The following ARHGAP44 variants were observed in gnomAD, a reference collection of about 807,000 sequenced individuals.
ARHGAP44 encodes the protein rho GTPase-activating protein 44.
ARHGAP44 carries 43 observed loss-of-function variants against 106.8 expected under a neutral mutation model. The observed-to-expected ratio is 0.40, with a 90% CI of 0.32 to 0.52. ARHGAP44 has a LOEUF of 0.52. ARHGAP44 is among the 20% of genes least tolerant of loss of function. ARHGAP44 has a pLI of 0.48. For missense variants in ARHGAP44, 866 were observed against 1,050.5 expected (o/e 0.82, Z 2.43); for synonymous variants, 439 against 410.3 (o/e 1.07, Z -0.85).
chr17:12,989,081 G>A (rs1376150367), intron 20 of ARHGAP44, among the ~76,000 whole-genome samples: 1 of 111,992 alleles, frequency 8.9e-6, no homozygotes, highest in Non-Finnish European at 1.7e-5. Context: ...TGTGTGACAA[G>A]AGCGAAACTC....
At chr17:12,966,796 A>C (rs1476188138) in intron 16 of ARHGAP44, among the ~76,000 whole-genome samples, 1 of 152,128 alleles carries the variant, frequency 6.6e-6, no homozygotes, top group Non-Finnish European at 1.5e-5. Flanking sequence ...AGACTTGAAC[A>C]CTTCACAGCC....
At chr17:12,861,729 G>A (rs953015233) in intron 1 of ARHGAP44, among the ~76,000 whole-genome samples, 7 of 143,424 alleles carry the variant, frequency 4.9e-5, no homozygotes, top group African/African-American at 1.8e-4. Flanking sequence ...CCGCCTCCTG[G>A]GTTCAAGCGA....
intron 1 of ARHGAP44, among the ~76,000 whole-genome samples, chr17:12,856,244 T>G (rs2035908265): frequency 6.6e-6 from 1 of 152,140 alleles, no homozygotes; most frequent in African/African-American, 2.4e-5. Context: ...CTCTCCTATT[T>G]TAAAATCCCA....
chr17:12,851,187 A>T (rs1038666008), intron 1 of ARHGAP44, among the ~76,000 whole-genome samples: 2 of 152,196 alleles, frequency 1.3e-5, no homozygotes, highest in Non-Finnish European at 2.9e-5. Flanking sequence ...GCCCACGTAA[A>T]GGCTGGCACC....
chr17:12,964,720 G>A (rs1337445632), intron 16 of ARHGAP44, among the ~76,000 whole-genome samples: 4 of 152,118 alleles, frequency 2.6e-5, no homozygotes, highest in Non-Finnish European at 5.9e-5. Context: ...GGAGGCAGAG[G>A]AGGTTGCAGT....
intron 3 of ARHGAP44, among the ~76,000 whole-genome samples, chr17:12,898,007 G>A (rs1196050735): frequency 6.6e-6 from 1 of 151,980 alleles, no homozygotes; most frequent in African/African-American, 2.4e-5. Context: ...TTGAGGTATG[G>A]CAAAGCCAGC....
At chr17:12,861,611 TCC>T (rs893345651) in intron 1 of ARHGAP44, among the ~76,000 whole-genome samples, 1 of 150,862 alleles carries the variant, frequency 6.6e-6, no homozygotes, top group African/African-American at 2.4e-5. Context: ...TGGTCACATC[TCC>T]CTCTGAATTC....
chr17:12,944,308 A>G (rs961515394), intron 10 of ARHGAP44, 112 bp downstream of exon 10: 7 of 1,376,762 alleles, frequency 5.1e-6, no homozygotes, highest in Admixed American at 2.6e-5. Flanking sequence ...CACGAATCCA[A>G]ATGGCTTAAG....
At chr17:12,935,682 T>C (rs946969004) in intron 7 of ARHGAP44, among the ~76,000 whole-genome samples, 3 of 152,150 alleles carry the variant, frequency 2.0e-5, no homozygotes, top group African/African-American at 7.2e-5. Context: ...AGGAAATATT[T>C]TTTAAGTAGG....
At chr17:12,798,415 A>G (rs556177984) in intron 1 of ARHGAP44, among the ~76,000 whole-genome samples, 1 of 152,312 alleles carries the variant, frequency 6.6e-6, no homozygotes, top group East Asian at 1.9e-4. Context: ...GCAGATAATC[A>G]CAATGTGTTT....
Position 12,990,147 on chromosome 17 carries a change from G to GGAGT in ARHGAP44, c.2434_2437dup (p.Ser813Ter). 6.2e-7 allele frequency: 1 copy of GGAGT among 1,613,104 alleles called. No individual in the cohort carries two copies. The highest frequency in any genetic ancestry group is 8.5e-7 in the Non-Finnish European group (1 of 1,179,428). ...TAACTGACAAGAGGGACTCGGAGGA[G>GGAGT]GAGTCTGAGAGCACCGCCCTCTGAC... On this transcript the variant is annotated frameshift_variant, in exon 21 of 21. Coordinates refer to ENST00000379672, the MANE Select transcript of ARHGAP44 (RefSeq NM_014859.6). LOFTEE classifies it high-confidence loss of function.
intron 16 of ARHGAP44, among the ~76,000 whole-genome samples, chr17:12,964,992 C>T (rs2039355781): frequency 6.6e-6 from 1 of 152,182 alleles, no homozygotes; most frequent in East Asian, 1.9e-4. Flanking sequence ...TCCCTACTGC[C>T]TCTTTTCTTT....
At chr17:12,966,414 C>T (rs2039393275) in intron 16 of ARHGAP44, among the ~76,000 whole-genome samples, 1 of 152,154 alleles carries the variant, frequency 6.6e-6, no homozygotes, top group Non-Finnish European at 1.5e-5. Flanking sequence ...TGTCAGAGGA[C>T]TTGGCCTTTA....
At chr17:12,983,579 C>T (rs1024601224) in intron 19 of ARHGAP44, among the ~76,000 whole-genome samples, 14 of 152,110 alleles carry the variant, frequency 9.2e-5, no homozygotes, top group South Asian at 6.2e-4. Context: ...CCGAGGCGGG[C>T]GGATCACCTG....
chr17:12,797,250 TA>T lies in ARHGAP44; in HGVS notation c.53+7360del, dbSNP rs574543031. On this transcript the variant is annotated intron_variant, in intron 1 of 20. Coordinates refer to ENST00000379672, the MANE Select transcript of ARHGAP44 (RefSeq NM_014859.6). Reference sequence around the variant, plus strand: ...ATAAATATGCATGCATTTTTATTACTATTTATAATAATTTCATTTTACCTTC... The same window carrying T: ...ATAAATATGCATGCATTTTTATTACTTTTATAATAATTTCATTTTACCTTC... Among the ~76,000 whole-genome samples, 32 of 152,306 alleles carry T rather than the reference TA, an allele frequency of 2.1e-4. No homozygotes were observed. In the East Asian group the frequency reaches 5.4e-3, roughly 26 times the overall value.
chr17:12,826,269 C>G (rs899491438), intron 1 of ARHGAP44, among the ~76,000 whole-genome samples: 9 of 151,974 alleles, frequency 5.9e-5, no homozygotes, highest in African/African-American at 1.9e-4. Flanking sequence ...TGTGTTGATC[C>G]CCTCTATGTG....
rs920302523 is a variant in ARHGAP44, at chr17:12,952,389, A to G, written c.1056-112A>G. The G allele has an allele frequency of 8.4e-6, 7 of 834,718 alleles. No individual in the cohort carries two copies. The African/African-American group carries it at 8.6e-5, about 10-fold the overall frequency. The allele number at this position is 834,718 out of a possible 1,614,324, so 51.7% of individuals were successfully genotyped here. ...AATTTTTAAATACTAGCTTGCTGAT[A>G]TGGTCAGTTACAGTGGTTGGTATCA... is the stretch of plus-strand genomic sequence containing the variant. On this transcript the variant is annotated intron_variant, in intron 12 of 20. Coordinates refer to ENST00000379672, the MANE Select transcript of ARHGAP44 (RefSeq NM_014859.6).
chr17:12,870,046 G>A lies in ARHGAP44; in HGVS notation c.54-24894G>A, dbSNP rs527763189. ...CAATTATTTCTTGTCAACAAATACC[G>A]TCTTTTTTTTTTTTTTTTTTGAGAT... is the stretch of plus-strand genomic sequence containing the variant. On this transcript the variant is annotated intron_variant, in intron 1 of 20. Transcript: ENST00000379672. Among the ~76,000 whole-genome samples the A allele has an allele frequency of 2.0e-4, 12 of 60,270 alleles. No individual in the cohort carries two copies. In the South Asian group the frequency reaches 3.1e-3, roughly 16 times the overall value. 39.5% of individuals were successfully genotyped at this position (60,270 alleles called of 152,430 possible).
At chr17:12,810,563 G>A (rs2034407703) in intron 1 of ARHGAP44, among the ~76,000 whole-genome samples, 1 of 152,152 alleles carries the variant, frequency 6.6e-6, no homozygotes, top group Non-Finnish European at 1.5e-5. Flanking sequence ...TCTGGGGAGG[G>A]GAGAAGTGGA....
Sources: gnomAD v4.1 joint callset for allele counts (sites outside exome capture counted in the v4.1 genomes callset) on GRCh38, gnomAD v4.1.1 for gene constraint, MANE v1.5 for transcripts, NCBI Gene and HGNC (gene_info 2026-07-23, HGNC 2026-07-21) for gene names.